CCDC85A: variants seen among roughly 807,000 people sequenced by gnomAD.
CCDC85A encodes coiled-coil domain-containing protein 85A.
Under a neutral mutation model 50.2 loss-of-function variants are expected in CCDC85A, and 38 were observed. The ratio of observed to expected loss-of-function variants is 0.76; its 90% CI spans 0.58 to 0.99. The LOEUF is 0.99. Ranked by LOEUF, CCDC85A falls within the 50% of genes least tolerant of loss-of-function variation. The pLI, the probability that CCDC85A is intolerant of heterozygous loss-of-function variation, is 0.00. For synonymous variants in CCDC85A, 366 were observed against 301.4 expected (o/e 1.21, Z -2.22); for missense variants, 820 against 742.0 (o/e 1.11, Z -1.22).
intron 2 of CCDC85A, among the ~76,000 whole-genome samples, chr2:56,197,822 A>T (rs920462504): frequency 1.3e-5 from 2 of 152,180 alleles, no homozygotes; most frequent in Admixed American, 6.5e-5. Flanking sequence ...TGTGTTTTTG[A>T]TGGGTGGAAT....
chr2:56,379,222 T>C (rs1676473435), intron 5 of CCDC85A, among the ~76,000 whole-genome samples: 1 of 152,152 alleles, frequency 6.6e-6, no homozygotes. Flanking sequence ...ACATGCCTTT[T>C]CTTAGGCACT....
At chr2:56,217,102 G>A (rs1668084455) in intron 2 of CCDC85A, among the ~76,000 whole-genome samples, 1 of 151,840 alleles carries the variant, frequency 6.6e-6, no homozygotes, top group Non-Finnish European at 1.5e-5. Flanking sequence ...CCTCTCAAAG[G>A]TTAGGTTAGA....
intron 3 of CCDC85A, among the ~76,000 whole-genome samples, chr2:56,358,890 T>A (rs146673821): frequency 0.015 from 2,225 of 152,026 alleles, 28 homozygotes; most frequent in South Asian, 0.037. Context: ...GTTCAAGCGC[T>A]TCTTCTGCCT....
chr2:56,306,881 T>C (rs1347244319), intron 2 of CCDC85A, among the ~76,000 whole-genome samples: 1 of 152,176 alleles, frequency 6.6e-6, no homozygotes, highest in African/African-American at 2.4e-5. Flanking sequence ...TTGTCTGATA[T>C]GAGTTAATTT....
At chr2:56,367,982 C>CTTGTCCAAAGTCATGCAGA in intron 3 of CCDC85A, among the ~76,000 whole-genome samples, 1 of 152,142 alleles carries the variant, frequency 6.6e-6, no homozygotes, top group East Asian at 1.9e-4. Flanking sequence ...AGTCATGCAG[C>CTTGTCCAAAGTCATGCAGA]TCATAAGTGT....
intron 5 of CCDC85A, chr2:56,383,756 C>G (rs28723570): frequency 1.0e-6 from 1 of 984,700 alleles, no homozygotes; most frequent in Admixed American, 6.2e-5. Flanking sequence ...ACAAAAGCTC[C>G]TTCATTTTCC....
Position 56,372,380 on chromosome 2 carries a change from A to C in CCDC85A, c.1354A>C (p.Ser452Arg). 6.3e-7 allele frequency: 1 copy of C among 1,594,916 alleles called. No individual in the cohort carries two copies. The highest frequency in any genetic ancestry group is 1.1e-5 in the South Asian group (1 of 87,768). The change falls in exon 4 of 6, where the codon AGC becomes CGC. Residue 452 changes from serine to arginine, a missense_variant. By Grantham distance (110) the Ser-to-Arg change is moderately radical. Coordinates refer to ENST00000407595, the MANE Select transcript of CCDC85A (RefSeq NM_001080433.2). Reference protein sequence around the residue: ...QNRRQPPTRNSSNMEKGWGSR... With the variant: ...QNRRQPPTRNRSNMEKGWGSR... ...TAGAAGGCAACCTCCAACTAGAAAC[A>C]GCTCAAATATGGAGAAAGGCTGGGG... is the stretch of plus-strand genomic sequence containing the variant.
At chr2:56,207,987 A>G (rs916499779) in intron 2 of CCDC85A, among the ~76,000 whole-genome samples, 7 of 152,302 alleles carry the variant, frequency 4.6e-5, no homozygotes, top group South Asian at 2.1e-4. Flanking sequence ...TAATTGTGAC[A>G]TCAGTAGATT....
At chr2:56,280,501 G>A (rs1307196112) in intron 2 of CCDC85A, among the ~76,000 whole-genome samples, 2 of 152,010 alleles carry the variant, frequency 1.3e-5, no homozygotes, top group African/African-American at 2.4e-5. Context: ...AGTACATGCC[G>A]AACCAAACTT....
intron 2 of CCDC85A, among the ~76,000 whole-genome samples, chr2:56,282,864 T>C (rs1377501620): frequency 2.0e-5 from 3 of 152,232 alleles, no homozygotes. Context: ...TTTTGTACTT[T>C]ATAGAATAGT....
At chr2:56,381,411 G>A (rs1676579506) in intron 5 of CCDC85A, among the ~76,000 whole-genome samples, 1 of 151,982 alleles carries the variant, frequency 6.6e-6, no homozygotes, top group Admixed American at 6.6e-5. Context: ...AGCCATAGAG[G>A]TCATTCTCCA....
intron 2 of CCDC85A, among the ~76,000 whole-genome samples, chr2:56,286,171 C>T (rs1261262152): frequency 6.6e-6 from 1 of 152,082 alleles, no homozygotes; most frequent in Non-Finnish European, 1.5e-5. Context: ...TGATTTTTAG[C>T]AGTTTGACAT....
intron 2 of CCDC85A, among the ~76,000 whole-genome samples, chr2:56,310,413 C>G (rs531397138): frequency 6.6e-6 from 1 of 152,068 alleles, no homozygotes; most frequent in African/African-American, 2.4e-5. Flanking sequence ...CCAGAAGCAA[C>G]GAGAAATCCC....
At position 56,342,892 on chromosome 2, in the gene CCDC85A, C is replaced by A; in HGVS notation, c.1254C>A (p.Ser418=). 6.3e-7 allele frequency: 1 copy of A among 1,590,190 alleles called. No homozygotes were observed. Among genetic ancestry groups the A allele is most frequent in the Non-Finnish European group, 8.6e-7 (1 of 1,167,146 alleles). The change falls in exon 3 of 6, where the codon TCC becomes TCA. Residue 418 remains serine, a synonymous_variant. Transcript: ENST00000407595. ...TTTTAATTTTAGAATCAACCTTGTC[C>A]TATGTTAGGCAGCTGGAGGCAAGAG... is the stretch of plus-strand genomic sequence containing the variant. ...VYSGMNESTL[S]YVRQLEARVR...
chr2:56,306,334 G>T (rs1672445192), intron 2 of CCDC85A, among the ~76,000 whole-genome samples: 1 of 152,034 alleles, frequency 6.6e-6, no homozygotes, highest in South Asian at 2.1e-4. Context: ...CACCATGTTG[G>T]CCAGGCTGGT....
chr2:56,367,692 G>C (rs997842865), intron 3 of CCDC85A, among the ~76,000 whole-genome samples: 5 of 151,930 alleles, frequency 3.3e-5, no homozygotes, highest in African/African-American at 4.8e-5. Flanking sequence ...TTTCTCTTGG[G>C]GGCCAAATCA....
upstream of CCDC85A, chr2:56,183,949 G>A (rs1675873049): frequency 1.0e-6 from 1 of 985,288 alleles, no homozygotes; most frequent in Admixed American, 6.1e-5. Context: ...GGTGGCCCCA[G>A]CTCCAGGCTC....
intron 5 of CCDC85A, chr2:56,379,881 G>A (rs746340820): frequency 2.2e-5 from 16 of 736,952 alleles, no homozygotes; most frequent in Non-Finnish European, 2.7e-5. Flanking sequence ...TGTATTCTGT[G>A]TTGAAAGCCA....
At chr2:56,367,480 A>C (rs1434841504) in intron 3 of CCDC85A, among the ~76,000 whole-genome samples, 1 of 152,128 alleles carries the variant, frequency 6.6e-6, no homozygotes, top group African/African-American at 2.4e-5. Flanking sequence ...TAGTTTCCCA[A>C]CATAGTTCTC....
Sources: allele counts gnomAD v4.1 joint callset (sites outside exome capture counted in the v4.1 genomes callset), GRCh38; gene constraint gnomAD v4.1.1; transcripts MANE v1.5; gene names NCBI Gene and HGNC (gene_info 2026-07-23, HGNC 2026-07-21).